The following ENPP3 variants were observed in gnomAD, a reference collection of about 807,000 sequenced individuals.
ENPP3 encodes the protein ectonucleotide pyrophosphatase/phosphodiesterase 3.
In ENPP3, 104 loss-of-function variants were observed where a neutral mutation model predicts 117.8. The observed-to-expected ratio is 0.88, with a 90% CI of 0.75 to 1.04. The LOEUF (loss-of-function observed/expected upper bound fraction) is 1.04, where lower values mean the gene tolerates loss of function less well. Among genes scored for constraint, ENPP3 ranks in the 50% least tolerant of loss-of-function variants. ENPP3 has a pLI of 0.00. For synonymous variants in ENPP3, 380 were observed against 349.9 expected (o/e 1.09, Z -0.96); for missense variants, 1,026 against 1,051.9 (o/e 0.98, Z 0.34).
chr6:131,667,267 C>T (rs761600039), intron 6 of ENPP3, among the ~76,000 whole-genome samples: 5 of 151,948 alleles, frequency 3.3e-5, no homozygotes, highest in Non-Finnish European at 7.4e-5. Context: ...TGCTAGGTTC[C>T]ATTAGCGCTC....
intron 16 of ENPP3, among the ~76,000 whole-genome samples, chr6:131,718,946 G>T (rs1414229013): frequency 1.3e-5 from 2 of 152,068 alleles, no homozygotes; most frequent in Non-Finnish European, 2.9e-5. Flanking sequence ...CAAGGTTCTT[G>T]AATACATCTG....
At chr6:131,691,640 C>T (rs909458480) in intron 14 of ENPP3, among the ~76,000 whole-genome samples, 1 of 151,792 alleles carries the variant, frequency 6.6e-6, no homozygotes, top group African/African-American at 2.4e-5. Flanking sequence ...TATCTCAACT[C>T]TGTAGACTTC....
intron 14 of ENPP3, among the ~76,000 whole-genome samples, chr6:131,692,846 TATATA>T (rs202129846): frequency 0.056 from 7,108 of 127,040 alleles, 577 homozygotes; most frequent in African/African-American, 0.19. Flanking sequence ...TATGATATGA[TATATA>T]TGATATGTGA....
At chr6:131,698,289 G>T (rs1442753809) in intron 15 of ENPP3, among the ~76,000 whole-genome samples, 3 of 148,010 alleles carry the variant, frequency 2.0e-5, no homozygotes, top group African/African-American at 7.5e-5. Flanking sequence ...TTGTGAAATG[G>T]AGAGATTTTG....
chr6:131,739,899 C>T (rs897987879), intron 23 of ENPP3, among the ~76,000 whole-genome samples: 20 of 125,700 alleles, frequency 1.6e-4, no homozygotes, highest in African/African-American at 6.7e-4. Flanking sequence ...AGTGAGAACC[C>T]ATCTCTATTA....
At chr6:131,718,611 CT>C in intron 15 of ENPP3, 60 bp from the exon 16 acceptor site, 1 of 780,632 alleles carries the variant, frequency 1.3e-6, no homozygotes, top group Non-Finnish European at 2.0e-6. Context: ...TTAGTTAAAT[CT>C]TACACTATGG....
chr6:131,737,279 A>C (rs1780416312), intron 21 of ENPP3, 76 bp from the exon 22 acceptor site: 2 of 812,482 alleles, frequency 2.5e-6, no homozygotes, highest in Non-Finnish European at 4.1e-6. Flanking sequence ...TTAATATGTA[A>C]TAGTAGTATG....
intron 11 of ENPP3, among the ~76,000 whole-genome samples, chr6:131,678,294 C>A (rs1585654978): frequency 6.6e-6 from 1 of 152,200 alleles, no homozygotes; most frequent in East Asian, 1.9e-4. Flanking sequence ...GGCTAAGTCA[C>A]CTGCAAGTCC....
chr6:131,695,206 A>G (rs1338703909), intron 15 of ENPP3, among the ~76,000 whole-genome samples: 1 of 152,216 alleles, frequency 6.6e-6, no homozygotes, highest in Admixed American at 6.5e-5. Context: ...TGTAATATAT[A>G]AATAAATATA....
intron 7 of ENPP3, among the ~76,000 whole-genome samples, chr6:131,672,851 AT>A (rs1778775198): frequency 6.6e-6 from 1 of 152,092 alleles, no homozygotes; most frequent in Admixed American, 6.6e-5. Flanking sequence ...GTGTGGAATG[AT>A]TAAATAAATA....
chr6:131,693,668 A>T (rs369834260), intron 15 of ENPP3, 44 bp downstream of exon 15: 6 of 1,575,362 alleles, frequency 3.8e-6, no homozygotes, highest in Non-Finnish European at 5.2e-6. Flanking sequence ...TTTAATAACC[A>T]TTTGTCATTA....
At chr6:131,726,677 C>G (rs983440683) in intron 20 of ENPP3, among the ~76,000 whole-genome samples, 8 of 151,524 alleles carry the variant, frequency 5.3e-5, no homozygotes, top group Admixed American at 5.3e-4. Flanking sequence ...TCTGAAGGAT[C>G]TGGCACTCCA....
intron 1 of ENPP3, among the ~76,000 whole-genome samples, chr6:131,640,660 T>A (rs899702848): frequency 6.6e-6 from 1 of 152,236 alleles, no homozygotes; most frequent in African/African-American, 2.4e-5. Context: ...TGTAAAATAC[T>A]TTCCTAAGTA....
At chr6:131,720,212 AG>A in intron 16 of ENPP3, 79 bp from the exon 17 acceptor site, 3 of 817,866 alleles carry the variant, frequency 3.7e-6, no homozygotes, top group Non-Finnish European at 5.8e-6. Context: ...TAGTTACAGA[AG>A]GAAAATTTTG....
At chr6:131,650,816 T>G (rs1419141202) in intron 3 of ENPP3, among the ~76,000 whole-genome samples, 1 of 152,190 alleles carries the variant, frequency 6.6e-6, no homozygotes, top group African/African-American at 2.4e-5. Flanking sequence ...TCACATAGTC[T>G]TTCCTCTGTC....
At chr6:131,713,417 A>G (rs1779828973) in intron 15 of ENPP3, among the ~76,000 whole-genome samples, 1 of 149,490 alleles carries the variant, frequency 6.7e-6, no homozygotes, top group Admixed American at 6.7e-5. Context: ...TAGCCAAGTC[A>G]CATACTAATT....
At chr6:131,666,050 C>T (rs1465107112) in intron 6 of ENPP3, among the ~76,000 whole-genome samples, 1 of 151,190 alleles carries the variant, frequency 6.6e-6, no homozygotes, top group African/African-American at 2.4e-5. Context: ...AGTGTTATTC[C>T]ATTGTAGTTG....
chr6:131,727,441 G>A (rs914593567), intron 20 of ENPP3, among the ~76,000 whole-genome samples: 6 of 151,034 alleles, frequency 4.0e-5, no homozygotes, highest in South Asian at 4.2e-4. Flanking sequence ...TGCAATCCCC[G>A]CTACTTGGGA....
At chr6:131,728,688 A>C (rs1317245817) in intron 20 of ENPP3, among the ~76,000 whole-genome samples, 1 of 152,210 alleles carries the variant, frequency 6.6e-6, no homozygotes, top group Non-Finnish European at 1.5e-5. Context: ...ACTTTTTGGA[A>C]CATGGACCCA....
Sources: gnomAD v4.1 joint callset for allele counts (sites outside exome capture counted in the v4.1 genomes callset) on GRCh38, gnomAD v4.1.1 for gene constraint, MANE v1.5 for transcripts, NCBI Gene and HGNC (gene_info 2026-07-23, HGNC 2026-07-21) for gene names.